NSUN7: variants seen among roughly 807,000 people sequenced by gnomAD.
NSUN7 encodes the protein protein NSUN7.
Under a neutral mutation model 58.5 loss-of-function variants are expected in NSUN7, and 39 were observed. The ratio of observed to expected loss-of-function variants is 0.67; its 90% CI spans 0.52 to 0.87. The LOEUF is 0.87. NSUN7 is among the 40% of genes least tolerant of loss of function. NSUN7 has a pLI of 0.00. For missense variants in NSUN7, 765 were observed against 844.1 expected (o/e 0.91, Z 1.16); for synonymous variants, 278 against 303.7 (o/e 0.92, Z 0.88).
chr4:40,798,723 A>G, intron 9 of NSUN7, 64 bp from the exon 10 acceptor site: 2 of 902,880 alleles, frequency 2.2e-6, no homozygotes, highest in Non-Finnish European at 1.7e-6. Flanking sequence ...GTTTGGAAAC[A>G]TAGCACATTT....
intron 8 of NSUN7, among the ~76,000 whole-genome samples, chr4:40,792,841 AGC>A (rs1743155652): frequency 6.6e-6 from 1 of 152,178 alleles, no homozygotes; most frequent in African/African-American, 2.4e-5. Context: ...GCAAATAAGG[AGC>A]TGCCGACCTA....
At chr4:40,772,901 A>G (rs1742080266) in intron 4 of NSUN7, among the ~76,000 whole-genome samples, 1 of 152,142 alleles carries the variant, frequency 6.6e-6, no homozygotes, top group East Asian at 1.9e-4. Flanking sequence ...TTTCAGTTAG[A>G]TTTCTACTGT....
chr4:40,806,917 G>C lies in NSUN7; in HGVS notation c.1401-144G>C. On this transcript the variant is annotated intron_variant, in intron 10 of 11. Transcript: ENST00000381782. ...TTATAATAGTATTTAGGGAAAGGCTGCTTCAGAATTGTGTTCTTGATTGGA... is the reference window on the plus strand; with the variant it reads ...TTATAATAGTATTTAGGGAAAGGCTCCTTCAGAATTGTGTTCTTGATTGGA... 4.1e-6 allele frequency: 3 copies of C among 731,176 alleles called. 1 individual carries two copies. The highest frequency in any genetic ancestry group is 6.7e-6 in the Non-Finnish European group (3 of 450,134). The allele number at this position is 731,176 out of a possible 1,614,324, so 45.3% of individuals were successfully genotyped here.
At chr4:40,800,706 C>T (rs1161230995) in intron 10 of NSUN7, among the ~76,000 whole-genome samples, 2 of 152,118 alleles carry the variant, frequency 1.3e-5, no homozygotes, top group South Asian at 2.1e-4. Flanking sequence ...ACATTTTCAT[C>T]GTAAGTTTAA....
intron 4 of NSUN7, among the ~76,000 whole-genome samples, chr4:40,773,903 AT>A (rs1282402835): frequency 6.6e-6 from 1 of 151,908 alleles, no homozygotes; most frequent in East Asian, 2.0e-4. Context: ...GGTTCAAGTG[AT>A]TCTCCTGCCT....
rs1186983960 is a variant in NSUN7, at chr4:40,757,723, TATAC to T, written c.299-2709_299-2706del. Among the ~76,000 whole-genome samples the T allele has an allele frequency of 5.8e-4, 31 of 53,766 alleles. 1 individual carries two copies. Among genetic ancestry groups the T allele is most frequent in the African/African-American group, 2.3e-3 (22 of 9,462 alleles). The allele number at this position is 53,766 out of a possible 152,430, so 35.3% of individuals were successfully genotyped here. A position where few individuals can be genotyped will look rare whatever the true frequency, so the allele number is the denominator to read the frequency against. On this transcript the variant is annotated intron_variant, in intron 2 of 11. Transcript: ENST00000381782. ...TATATACATTGTGTGTGTGTGTATA[TATAC>T]ACACACACACACACACACACACATA...
chr4:40,799,087 T>TTTTTG (rs1560563920), intron 10 of NSUN7, among the ~76,000 whole-genome samples, 183 bp downstream of exon 10: 11 of 140,454 alleles, frequency 7.8e-5, no homozygotes, highest in African/African-American at 1.9e-4. Context: ...TTTTTTTTTT[T>TTTTTG]TTTTTTTTTT....
intron 7 of NSUN7, among the ~76,000 whole-genome samples, chr4:40,788,522 A>G (rs967875669): frequency 1.3e-5 from 2 of 152,088 alleles, no homozygotes; most frequent in African/African-American, 4.8e-5. Flanking sequence ...CTCTAAACCC[A>G]CACTTTGTCC....
intron 7 of NSUN7, among the ~76,000 whole-genome samples, chr4:40,781,553 A>C (rs573462735): frequency 1.1e-3 from 164 of 151,638 alleles, no homozygotes; most frequent in African/African-American, 3.8e-3. Context: ...CCCCATCGAT[A>C]CTCCTGCTCA....
intron 7 of NSUN7, chr4:40,786,670 A>G (rs1219146785): frequency 2.5e-6 from 4 of 1,580,990 alleles, no homozygotes; most frequent in Non-Finnish European, 3.4e-6. Flanking sequence ...TGATATGATC[A>G]TTAAAAGAAG....
intron 4 of NSUN7, among the ~76,000 whole-genome samples, chr4:40,769,915 A>G (rs1325991219): frequency 6.6e-6 from 1 of 152,240 alleles, no homozygotes; most frequent in African/African-American, 2.4e-5. Context: ...TGGCATTAAG[A>G]AAATGCAATC....
At chr4:40,760,550 G>A (rs1741400414) in intron 3 of NSUN7, 58 bp downstream of exon 3, 2 of 1,372,400 alleles carry the variant, frequency 1.5e-6, no homozygotes, top group African/African-American at 1.5e-5. Flanking sequence ...AAAAGAAAGT[G>A]TTTAAAAGCC....
intron 4 of NSUN7, among the ~76,000 whole-genome samples, chr4:40,770,050 A>G (rs868274173): frequency 1.2e-4 from 19 of 152,098 alleles, no homozygotes; most frequent in Admixed American, 1.2e-3. Context: ...ATCTCTACTA[A>G]AAATACAAAA....
chr4:40,808,526 G>C lies in NSUN7; in HGVS notation c.1744G>C (p.Glu582Gln), dbSNP rs888386715. 1 of 1,552,518 alleles carries C rather than the reference G, an allele frequency of 6.4e-7. No homozygotes were observed. ...RETKASANLS[E>Q]TVTKPPLPQK... ...AACTAAAGCCAGTGCTAATCTATCA[G>C]AGACTGTAACAAAACCACCTCTTCC... Residue 582 changes from glutamate (E) to glutamine (Q), a missense_variant, in exon 12 of 12, where the codon GAG becomes CAG. Glu to Gln is a conservative substitution (Grantham distance 29). Coordinates refer to ENST00000381782, the MANE Select transcript of NSUN7 (RefSeq NM_024677.6).
At chr4:40,807,927 C>A (rs1176976828) in intron 11 of NSUN7, among the ~76,000 whole-genome samples, 1 of 150,082 alleles carries the variant, frequency 6.7e-6, no homozygotes, top group African/African-American at 2.5e-5. Context: ...ATAATCCCAG[C>A]TACTCAGAAG....
Position 40,750,698 on chromosome 4 carries a change from T to C in NSUN7, c.5T>C (p.Leu2Pro). The change falls in exon 2 of 12, where the codon CTG becomes CCG. Residue 2 changes from leucine to proline, a missense_variant. Physicochemically the swap from Leu to Pro is moderately conservative, Grantham distance 98. Coordinates refer to ENST00000381782, the MANE Select transcript of NSUN7 (RefSeq NM_024677.6). MLNSTGELEFSN... is the reference protein window; with the variant it reads MPNSTGELEFSN... ...CACGACAGGCGAGGGGCAGACATGC[T>C]GAATTCCACGGGCGAACTGGAGTTT... 5 of 1,612,812 alleles carry C rather than the reference T, an allele frequency of 3.1e-6. No individual in the cohort carries two copies. Among genetic ancestry groups the C allele is most frequent in the South Asian group, 1.1e-5 (1 of 91,032 alleles).
chr4:40,757,048 G>A (rs1293748901), intron 2 of NSUN7, among the ~76,000 whole-genome samples: 1 of 152,170 alleles, frequency 6.6e-6, no homozygotes, highest in Admixed American at 6.5e-5. Flanking sequence ...GGCTAATATG[G>A]TGAAACCCTG....
At chr4:40,799,400 C>A (rs576519164) in intron 10 of NSUN7, among the ~76,000 whole-genome samples, 1 of 151,830 alleles carries the variant, frequency 6.6e-6, no homozygotes, top group East Asian at 1.9e-4. Context: ...TGGCTCACAC[C>A]TGTAATCCCA....
chr4:40,766,187 T>G (rs1354119536), intron 4 of NSUN7, among the ~76,000 whole-genome samples: 4 of 152,176 alleles, frequency 2.6e-5, no homozygotes, highest in African/African-American at 9.7e-5. Context: ...CTTCCAGTTT[T>G]TGCCCATTCA....
Sources: allele counts gnomAD v4.1 joint callset (sites outside exome capture counted in the v4.1 genomes callset), GRCh38; gene constraint gnomAD v4.1.1; transcripts MANE v1.5; gene names NCBI Gene and HGNC (gene_info 2026-07-23, HGNC 2026-07-21).